Variants in MPRIP observed in about 807,000 individuals in gnomAD.
MPRIP encodes myosin phosphatase Rho interacting protein.
In MPRIP, 59 loss-of-function variants were observed where a neutral mutation model predicts 234.9. The ratio of observed to expected loss-of-function variants is 0.25; its 90% CI spans 0.20 to 0.31. MPRIP has a LOEUF of 0.31. Among genes scored for constraint, MPRIP ranks in the 10% least tolerant of loss-of-function variants. The pLI is 1.00. For synonymous variants in MPRIP, 1,144 were observed against 1,263.9 expected (o/e 0.91, Z 2.01); for missense variants, 2,436 against 3,071.0 (o/e 0.79, Z 4.89).
chr17:17,047,897 G>A (rs1003141409), intron 1 of MPRIP, among the ~76,000 whole-genome samples: 2 of 152,144 alleles, frequency 1.3e-5, no homozygotes, highest in Non-Finnish European at 2.9e-5. Flanking sequence ...AGTGAAAGGA[G>A]AGGAACCAGC....
chr17:17,094,204 G>T lies in MPRIP; in HGVS notation c.267+16128G>T, dbSNP rs574104180. On this transcript the variant is annotated intron_variant, in intron 3 of 23. Coordinates refer to ENST00000651222, the MANE Select transcript of MPRIP (RefSeq NM_001364716.4). ...CTTGAGAAATGCACAGGGAGGAAAG[G>T]TTTTGTGGCCTTGCCTGTCTCAGGA... Among the ~76,000 whole-genome samples the T allele has an allele frequency of 1.1e-4, 17 of 152,276 alleles. No individual in the cohort carries two copies. The South Asian group carries it at 1.5e-3, about 13-fold the overall frequency.
intron 12 of MPRIP, among the ~76,000 whole-genome samples, chr17:17,152,539 G>C (rs760775724): frequency 6.6e-6 from 1 of 152,208 alleles, no homozygotes; most frequent in Non-Finnish European, 1.5e-5. Context: ...CCTGGGGGAG[G>C]CTTCCTGGAG....
At position 17,184,862 on chromosome 17, in the gene MPRIP, C is replaced by T; in HGVS notation, c.7246C>T (p.Leu2416Phe). ...CCTGACGGTGCAAGAACGGTTGAAG[C>T]TCTTTGAATCCAGGGACTTGAAGAA... is the stretch of plus-strand genomic sequence containing the variant. ...EGLTVQERLK[L>F]FESRDLKKD The change falls in exon 24 of 24, where the codon CTC (leucine) becomes TTC (phenylalanine). Residue 2416 changes from leucine (L) to phenylalanine (F), a missense_variant. Around this residue, in one of 4 missense-constraint regions of MPRIP, gnomAD observed 1,998 missense variants for 2,520.3 expected, o/e 0.79. Coordinates refer to ENST00000651222, the MANE Select transcript of MPRIP (RefSeq NM_001364716.4). 1 of 1,613,048 alleles carries T rather than the reference C, an allele frequency of 6.2e-7. No individual in the cohort carries two copies. Among genetic ancestry groups the T allele is most frequent in the Non-Finnish European group, 8.5e-7 (1 of 1,179,528 alleles).
At chr17:17,120,351 T>C (rs945865630) in intron 3 of MPRIP, among the ~76,000 whole-genome samples, 2 of 152,078 alleles carry the variant, frequency 1.3e-5, no homozygotes, top group African/African-American at 4.8e-5. Context: ...GAGTCCCCGG[T>C]TGGAGAGGCT....
Position 17,192,427 on chromosome 17 carries a change from T to TGGGG in MPRIP, c.*7545_*7548dup, listed in dbSNP as rs1555603013. 34 of 4,808 alleles carry TGGGG rather than the reference T, an allele frequency of 7.1e-3. No homozygotes were observed. Among genetic ancestry groups the TGGGG allele is most frequent in the South Asian group, 0.017 (1 of 60 alleles). 0.3% of individuals were successfully genotyped at this position (4,808 alleles called of 1,614,324 possible). A position where few individuals can be genotyped will look rare whatever the true frequency, so the allele number is the denominator to read the frequency against. On this transcript the variant is annotated 3_prime_UTR_variant, in exon 24 of 24. Coordinates refer to ENST00000651222, the MANE Select transcript of MPRIP (RefSeq NM_001364716.4). ...ACCAGCTGAGCTGCTGCTTTTTTTT[T>TGGGG]GGGGGGGGGGGGGGGAGGGGCGTCT...
At chr17:17,159,323 A>G (rs925809587) in intron 14 of MPRIP, among the ~76,000 whole-genome samples, 8 of 152,222 alleles carry the variant, frequency 5.3e-5, no homozygotes, top group African/African-American at 1.9e-4. Context: ...TCCCGATGGC[A>G]GGAGGGGCGC....
In MPRIP at chr17:17,061,109, C is replaced by G. The variant is rs148919715; in HGVS notation, c.124-14601C>G. ...AGGTGGGCACAGCTCCGCCAAGAAG[C>G]TTCCCTCCCCAAGTGCTGAGATTCA... is the stretch of plus-strand genomic sequence containing the variant. On this transcript the variant is annotated intron_variant, in intron 1 of 23. Coordinates refer to ENST00000651222, the MANE Select transcript of MPRIP (RefSeq NM_001364716.4). Among the ~76,000 whole-genome samples, 114 of 152,330 alleles carry G rather than the reference C, an allele frequency of 7.5e-4. 2 individuals are homozygous for G. The highest frequency in any genetic ancestry group is 1.2e-3 in the Non-Finnish European group (83 of 68,028).
chr17:17,086,289 TC>T (rs2089588584), intron 3 of MPRIP, among the ~76,000 whole-genome samples: 1 of 152,168 alleles, frequency 6.6e-6, no homozygotes, highest in South Asian at 2.1e-4. Context: ...AGAAGGTTCT[TC>T]CAGGGTGTTG....
At chr17:17,059,295 A>T (rs2088800592) in intron 1 of MPRIP, among the ~76,000 whole-genome samples, 1 of 152,172 alleles carries the variant, frequency 6.6e-6, no homozygotes, top group Non-Finnish European at 1.5e-5. Flanking sequence ...GGGCAGCTCT[A>T]CTGTACACTC....
intron 12 of MPRIP, among the ~76,000 whole-genome samples, chr17:17,150,873 G>T (rs1016887351): frequency 6.6e-6 from 1 of 151,858 alleles, no homozygotes; most frequent in Non-Finnish European, 1.5e-5. Context: ...CCAAGACAGG[G>T]TCTCACTCTC....
chr17:17,149,958 G>T, intron 11 of MPRIP, 186 bp from the exon 12 acceptor site: 2 of 549,718 alleles, frequency 3.6e-6, no homozygotes, highest in Non-Finnish European at 6.5e-6. Flanking sequence ...AGGGACAGAT[G>T]GTGGTGTGAT....
intron 3 of MPRIP, among the ~76,000 whole-genome samples, chr17:17,107,689 C>T (rs892988811): frequency 5.3e-5 from 8 of 152,182 alleles, no homozygotes; most frequent in African/African-American, 1.9e-4. Flanking sequence ...TTGTCCCCTT[C>T]GTGTCTGAGA....
intron 14 of MPRIP, among the ~76,000 whole-genome samples, chr17:17,159,431 C>T (rs1487756648): frequency 2.0e-5 from 3 of 152,178 alleles, no homozygotes; most frequent in Non-Finnish European, 2.9e-5. Context: ...GGCTTGGGGA[C>T]GGCCGATCAG....
intron 13 of MPRIP, among the ~76,000 whole-genome samples, chr17:17,155,540 G>A (rs9897510): frequency 0.52 from 78,463 of 152,200 alleles, 24,111 homozygotes; most frequent in East Asian, 0.68. Context: ...CACCACAGCC[G>A]GCCTAAAGGC....
At chr17:17,142,066 C>G (rs779712907) in intron 7 of MPRIP, 3 of 154,924 alleles carry the variant, frequency 1.9e-5, no homozygotes, top group Non-Finnish European at 4.3e-5. Flanking sequence ...CTCCTCCACC[C>G]GCTTCGCCCC....
chr17:17,184,284 C>T (rs2046430388), intron 23 of MPRIP, among the ~76,000 whole-genome samples: 2 of 152,210 alleles, frequency 1.3e-5, no homozygotes, highest in Admixed American at 6.5e-5. Flanking sequence ...ACTCACAGGC[C>T]TCTGATGAGG....
chr17:17,043,030 G>A, intron 1 of MPRIP, 59 bp downstream of exon 1: 1 of 1,535,638 alleles, frequency 6.5e-7, no homozygotes, highest in Non-Finnish European at 8.9e-7. Context: ...TCGGCGGCCG[G>A]GGCGCCGCCA....
At chr17:17,043,440 A>G (rs1015397991) in intron 1 of MPRIP, among the ~76,000 whole-genome samples, 5 of 152,030 alleles carry the variant, frequency 3.3e-5, no homozygotes, top group Non-Finnish European at 7.4e-5. Context: ...GAGAGAGGTG[A>G]AGGGGTGTCC....
In MPRIP at chr17:17,042,811, G is replaced by A; in HGVS notation, c.-38G>A. The A allele has an allele frequency of 7.4e-7, 1 of 1,342,452 alleles. No homozygotes were observed. Among genetic ancestry groups the A allele is most frequent in the East Asian group, 4.7e-5 (1 of 21,124 alleles). 83.2% of individuals were successfully genotyped at this position (1,342,452 alleles called of 1,614,324 possible). On this transcript the variant is annotated 5_prime_UTR_variant, in exon 1 of 24. Transcript: ENST00000651222. ...CGGGAGCGCCAGGCCGGCCAGGCCT[G>A]CGCCGCCGCCGCCGCCGCCGTCGCC...
Sources: allele counts gnomAD v4.1 joint callset (sites outside exome capture counted in the v4.1 genomes callset), GRCh38; gene constraint gnomAD v4.1.1; regional missense constraint gnomAD v4.1.1; transcripts MANE v1.5; gene names NCBI Gene and HGNC (gene_info 2026-07-23, HGNC 2026-07-21).